The following FER variants were observed in gnomAD, a reference collection of about 807,000 sequenced individuals.
The protein encoded by FER is FER tyrosine kinase.
In FER, 63 loss-of-function variants were observed where a neutral mutation model predicts 111.0. The ratio of observed to expected loss-of-function variants is 0.57; its 90% CI spans 0.46 to 0.70. The LOEUF (loss-of-function observed/expected upper bound fraction) is 0.70, where lower values mean the gene tolerates loss of function less well. Ranked by LOEUF, FER falls within the 30% of genes least tolerant of loss-of-function variation. The pLI is 0.00. For missense variants in FER, 914 were observed against 954.0 expected, an observed-to-expected ratio of 0.96 and a Z score of 0.55; for synonymous variants, 327 against 313.9, an observed-to-expected ratio of 1.04 and a Z score of -0.44.
At chr5:109,158,328 C>G (rs116728540) in intron 17 of FER, among the ~76,000 whole-genome samples, 1 of 151,938 alleles carries the variant, frequency 6.6e-6, no homozygotes, top group Non-Finnish European at 1.5e-5. Context: ...CACCTGAACC[C>G]GGAAGTCAAA....
At chr5:108,894,833 A>G (rs1181882687) in intron 9 of FER, among the ~76,000 whole-genome samples, 1 of 151,824 alleles carries the variant, frequency 6.6e-6, no homozygotes, top group Non-Finnish European at 1.5e-5. Flanking sequence ...ATCTCATGAG[A>G]CTCACGTACT....
At chr5:109,183,543 C>T (rs1255678404) in intron 18 of FER, among the ~76,000 whole-genome samples, 1 of 152,104 alleles carries the variant, frequency 6.6e-6, no homozygotes, top group Non-Finnish European at 1.5e-5. Context: ...GCTACCGTGC[C>T]CAATCCAATA....
At chr5:109,004,257 C>A (rs1765213258) in intron 13 of FER, among the ~76,000 whole-genome samples, 1 of 152,126 alleles carries the variant, frequency 6.6e-6, no homozygotes, top group Admixed American at 6.5e-5. Context: ...CCCTCATCAG[C>A]CTCCACGTGG....
chr5:109,105,501 A>G (rs1748799632), intron 17 of FER, among the ~76,000 whole-genome samples: 1 of 152,180 alleles, frequency 6.6e-6, no homozygotes, highest in Non-Finnish European at 1.5e-5. Context: ...AAATAAAAAT[A>G]AAATAAAATG....
At chr5:108,997,956 A>G (rs1189827382) in intron 13 of FER, among the ~76,000 whole-genome samples, 2 of 151,922 alleles carry the variant, frequency 1.3e-5, no homozygotes, top group Non-Finnish European at 1.5e-5. Flanking sequence ...CACCTACTCA[A>G]GCTTCAGCAA....
intron 17 of FER, among the ~76,000 whole-genome samples, chr5:109,121,194 A>C (rs1273758871): frequency 6.6e-6 from 1 of 152,108 alleles, no homozygotes; most frequent in African/African-American, 2.4e-5. Flanking sequence ...AAAGGCTTTC[A>C]GTTTTTCCCC....
intron 2 of FER, among the ~76,000 whole-genome samples, chr5:108,768,735 C>T (rs982709682): frequency 6.6e-6 from 1 of 152,114 alleles, no homozygotes; most frequent in African/African-American, 2.4e-5. Flanking sequence ...ATGATGAATA[C>T]ACTGGATGTT....
intron 17 of FER, among the ~76,000 whole-genome samples, chr5:109,129,089 T>G (rs1483823214): frequency 2.6e-5 from 4 of 152,052 alleles, no homozygotes; most frequent in Non-Finnish European, 5.9e-5. Flanking sequence ...ATCAGTGGAT[T>G]ACTTTAAATT....
intron 17 of FER, among the ~76,000 whole-genome samples, chr5:109,134,209 C>A (rs1438815089): frequency 4.6e-5 from 7 of 151,744 alleles, no homozygotes; most frequent in Non-Finnish European, 8.8e-5. Flanking sequence ...GCTCGAATAC[C>A]CAAAGAAAAG....
chr5:108,976,089 G>A (rs1391677778), intron 13 of FER, among the ~76,000 whole-genome samples: 1 of 152,144 alleles, frequency 6.6e-6, no homozygotes, highest in Non-Finnish European at 1.5e-5. Context: ...AAGGTTTGGA[G>A]TAAATGAGAA....
intron 3 of FER, among the ~76,000 whole-genome samples, chr5:108,824,923 A>G (rs1410016518): frequency 2.7e-5 from 4 of 146,672 alleles, no homozygotes; most frequent in Non-Finnish European, 6.0e-5. Flanking sequence ...GGGAGACATC[A>G]CACATTGGTA....
rs940782924 is a variant in FER at position 109,002,942 on chromosome 5, G to A, written c.1657-34480G>A. On this transcript the variant is annotated intron_variant, in intron 13 of 19. Coordinates refer to ENST00000281092, the MANE Select transcript of FER (RefSeq NM_005246.4). ...ACCATCTCATACCAGTTAGAATGGC[G>A]ATCATTAAAAAGTCAGGAAACAACA... Among the ~76,000 whole-genome samples, 101 of 152,242 alleles carry A rather than the reference G, an allele frequency of 6.6e-4. 2 individuals are homozygous for A. Among genetic ancestry groups the A allele is most frequent in the East Asian group, 1.4e-3 (7 of 5,184 alleles).
At chr5:109,128,222 T>C (rs1751963761) in intron 17 of FER, among the ~76,000 whole-genome samples, 1 of 151,940 alleles carries the variant, frequency 6.6e-6, no homozygotes. Flanking sequence ...CTTTGTGAGA[T>C]ATACAAGTTT....
chr5:108,839,446 C>G (rs1174078586), intron 5 of FER, among the ~76,000 whole-genome samples: 1 of 151,962 alleles, frequency 6.6e-6, no homozygotes, highest in Non-Finnish European at 1.5e-5. Context: ...GAAGTCTGCT[C>G]TGAGTGAGGA....
At chr5:109,165,804 A>C (rs1401978644) in intron 17 of FER, among the ~76,000 whole-genome samples, 1 of 152,192 alleles carries the variant, frequency 6.6e-6, no homozygotes, top group Non-Finnish European at 1.5e-5. Flanking sequence ...GTATTAAAGT[A>C]AGGTGGAACT....
chr5:108,916,403 G>T (rs1415371207), intron 10 of FER, among the ~76,000 whole-genome samples: 2 of 152,078 alleles, frequency 1.3e-5, no homozygotes, highest in African/African-American at 4.8e-5. Context: ...AAGATAAAAT[G>T]AAATGGGAAA....
chr5:108,993,817 C>T lies in FER; in HGVS notation c.1656+34470C>T, dbSNP rs1035486593. On this transcript the variant is annotated intron_variant, in intron 13 of 19. Transcript: ENST00000281092. ...GTTGTGTCTTAACTTTTGATAGTTGCCCTTCTGACTGGTGTGAGATGGTAT... is the reference window on the plus strand; with the variant it reads ...GTTGTGTCTTAACTTTTGATAGTTGTCCTTCTGACTGGTGTGAGATGGTAT... 3.3e-5 allele frequency among the ~76,000 whole-genome samples: 5 copies of T among 152,246 alleles called. No individual in the cohort carries two copies. In the East Asian group the frequency reaches 9.7e-4, roughly 29 times the overall value.
intron 14 of FER, among the ~76,000 whole-genome samples, chr5:109,041,862 T>C (rs2149894308): frequency 6.6e-6 from 1 of 152,164 alleles, no homozygotes. Flanking sequence ...CAGTGATAAG[T>C]AGGTAATAGA....
At chr5:108,934,668 C>G (rs1186316033) in intron 10 of FER, among the ~76,000 whole-genome samples, 1 of 152,108 alleles carries the variant, frequency 6.6e-6, no homozygotes, top group Non-Finnish European at 1.5e-5. Context: ...AGCTAGTTTT[C>G]CAGCTACTGC....
Sources: gnomAD v4.1 joint callset for allele counts (sites outside exome capture counted in the v4.1 genomes callset) on GRCh38, gnomAD v4.1.1 for gene constraint, MANE v1.5 for transcripts, NCBI Gene and HGNC (gene_info 2026-07-23, HGNC 2026-07-21) for gene names.